The following GSDME variants were observed in gnomAD, a reference collection of about 807,000 sequenced individuals.
GSDME encodes gasdermin-E.
GSDME carries 44 observed loss-of-function variants against 47.5 expected under a neutral mutation model. That is an observed-to-expected ratio of 0.93 (90% confidence interval 0.73 to 1.19). GSDME has a LOEUF of 1.19. Among genes scored for constraint, GSDME ranks in the 50% most tolerant of loss-of-function variants. The pLI is 0.00. For missense variants in GSDME, 663 were observed against 604.2 expected (o/e 1.10, Z -1.02); for synonymous variants, 258 against 252.8 (o/e 1.02, Z -0.20).
the GSDME span, among the ~76,000 whole-genome samples, chr7:24,769,904 T>C: frequency 6.6e-6 from 1 of 152,242 alleles, no homozygotes; most frequent in East Asian, 1.9e-4. Context: ...CAAGAACAGA[T>C]GGATAATTTT....
intron 5 of GSDME, 21 bp downstream of exon 5, chr7:24,717,232 AC>A: frequency 7.2e-7 from 1 of 1,388,932 alleles, no homozygotes; most frequent in Non-Finnish European, 9.8e-7. Context: ...ATCCCTCAGC[AC>A]CCATAGGAGG....
chr7:24,789,410 C>A, the GSDME span, among the ~76,000 whole-genome samples: 1 of 152,128 alleles, frequency 6.6e-6, no homozygotes, highest in Admixed American at 6.5e-5. Context: ...CCTGAGTGAG[C>A]AATTCCTGTC....
In GSDME at chr7:24,714,464, A is replaced by T. The variant is rs956204880; in HGVS notation, c.697+2790T>A. ...GAAAAGAAATAGCAGAACTGGTTTA[A>T]AATCAGGCAGTGAATCACCCAGAAC... is the stretch of plus-strand genomic sequence containing the variant. On this transcript the variant is annotated intron_variant, in intron 5 of 9. Transcript: ENST00000645220. The surrounding 1 kb of genome is among the most constrained non-coding windows in gnomAD (Gnocchi z 5.0). Among the ~76,000 whole-genome samples the T allele has an allele frequency of 6.6e-6, 1 of 152,168 alleles. No individual in the cohort carries two copies. The highest frequency in any genetic ancestry group is 1.5e-5 in the Non-Finnish European group (1 of 68,038).
Position 24,705,840 on chromosome 7 carries a change from T to C in GSDME, c.1183+344A>G. ...AGAGCAGTTGGCAAATGAAAGTTGC[T>C]GCCACTCAGCTCTGCTGGGACTCCG... On this transcript the variant is annotated intron_variant, in intron 8 of 9. Transcript: ENST00000645220. The surrounding 1 kb of genome is among the most constrained non-coding windows in gnomAD (Gnocchi z 4.1). The C allele has an allele frequency of 2.5e-6, 1 of 393,526 alleles. No individual in the cohort carries two copies. Among genetic ancestry groups the C allele is most frequent in the Non-Finnish European group, 4.8e-6 (1 of 207,282 alleles). The allele number at this position is 393,526 out of a possible 1,614,324, so 24.4% of individuals were successfully genotyped here. A position where few individuals can be genotyped will look rare whatever the true frequency, so the allele number is the denominator to read the frequency against.
intron 1 of GSDME, among the ~76,000 whole-genome samples, chr7:24,751,426 G>A (rs1482402299): frequency 6.6e-6 from 1 of 152,198 alleles, no homozygotes; most frequent in Non-Finnish European, 1.5e-5. Flanking sequence ...TTTAAGAGAT[G>A]AGAATAAGCT....
At position 24,714,580 on chromosome 7, in the gene GSDME, TCC is replaced by T. The variant is rs1203716606; in HGVS notation, c.697+2672_697+2673del. On this transcript the variant is annotated intron_variant, in intron 5 of 9. Transcript: ENST00000645220. This position sits in a 1 kb window ranked among gnomAD's most constrained non-coding sequence, Gnocchi z 5.0. ...AACGAGCCAAGGGAAGGCCGAGATA[TCC>T]CCAGGGTACCTCTTCTCAGCAGCAC... 6.6e-6 allele frequency among the ~76,000 whole-genome samples: 1 copy of T among 151,950 alleles called. No homozygotes were observed. The highest frequency in any genetic ancestry group is 6.6e-5 in the Admixed American group (1 of 15,266).
rs1164962596 is a variant in GSDME, at chr7:24,739,836, C to T, written c.404+4726G>A. On this transcript the variant is annotated intron_variant, in intron 3 of 9. Transcript: ENST00000645220. The surrounding 1 kb of genome is among the most constrained non-coding windows in gnomAD (Gnocchi z 5.1). ...TGGGCTGGGCGCAGTGGCTCACGCC[C>T]ATAATCCTAGCACTTTGGGAGGCTA... Among the ~76,000 whole-genome samples, 7 of 152,012 alleles carry T rather than the reference C, an allele frequency of 4.6e-5. No homozygotes were observed. The highest frequency in any genetic ancestry group is 8.8e-5 in the Non-Finnish European group (6 of 67,994).
the GSDME span, among the ~76,000 whole-genome samples, chr7:24,772,645 G>C: frequency 6.6e-6 from 1 of 152,232 alleles, no homozygotes; most frequent in Non-Finnish European, 1.5e-5. This position sits in a 1 kb window ranked among gnomAD's most constrained non-coding sequence, Gnocchi z 4.5. Context: ...CCTAATAAAT[G>C]ATAGCTGTTG....
Position 24,719,832 on chromosome 7 carries a change from G to A in GSDME, c.405-614C>T, listed in dbSNP as rs191025715. On this transcript the variant is annotated intron_variant, in intron 3 of 9. Transcript: ENST00000645220. Reference sequence around the variant, plus strand: ...AAAGAAAAGAAAACTAACCAGGAAGGAAACTGCAATCCATGTACCTTAGAC... The same window carrying A: ...AAAGAAAAGAAAACTAACCAGGAAGAAAACTGCAATCCATGTACCTTAGAC... Among the ~76,000 whole-genome samples, 8 of 152,072 alleles carry A rather than the reference G, an allele frequency of 5.3e-5. No individual in the cohort carries two copies. In the East Asian group the frequency reaches 1.5e-3, roughly 29 times the overall value.
intron 2 of GSDME, among the ~76,000 whole-genome samples, chr7:24,747,057 C>A (rs1395189126): frequency 6.6e-6 from 1 of 152,220 alleles, no homozygotes; most frequent in East Asian, 1.9e-4. Flanking sequence ...ACTGGCCTCA[C>A]CAATCCAGCA....
chr7:24,776,212 TAAG>T, the GSDME span, among the ~76,000 whole-genome samples: 1 of 146,724 alleles, frequency 6.8e-6, no homozygotes, highest in Non-Finnish European at 1.5e-5. Flanking sequence ...GAATCACTGC[TAAG>T]AAGGAGTTGT....
intron 9 of GSDME, among the ~76,000 whole-genome samples, chr7:24,701,051 A>G (rs1212306828): frequency 6.6e-6 from 1 of 152,190 alleles, no homozygotes; most frequent in Non-Finnish European, 1.5e-5. Flanking sequence ...TGTATCTGGC[A>G]CTGTACTCCC....
At chr7:24,780,323 T>C in the GSDME span, among the ~76,000 whole-genome samples, 1 of 152,220 alleles carries the variant, frequency 6.6e-6, no homozygotes, top group East Asian at 1.9e-4. This position sits in a 1 kb window ranked among gnomAD's most constrained non-coding sequence, Gnocchi z 4.1. Context: ...ATCAGTTTAT[T>C]GATTTGTAAT....
intron 2 of GSDME, among the ~76,000 whole-genome samples, chr7:24,746,741 G>C (rs1790680597): frequency 6.6e-6 from 1 of 152,170 alleles, no homozygotes; most frequent in Admixed American, 6.5e-5. Flanking sequence ...TGTCATTTGT[G>C]CACACTTCTG....
rs1790260280 is a variant in GSDME at position 24,735,091 on chromosome 7, C to T, written c.404+9471G>A. On this transcript the variant is annotated intron_variant, in intron 3 of 9. Transcript: ENST00000645220. This position sits in a 1 kb window ranked among gnomAD's most constrained non-coding sequence, Gnocchi z 4.4. Reference sequence around the variant, plus strand: ...TACAATGGAGCTCCAATATGTTTGGCAGCAGACTTTTCAGCACAAGTCTTT... The same window carrying T: ...TACAATGGAGCTCCAATATGTTTGGTAGCAGACTTTTCAGCACAAGTCTTT... Among the ~76,000 whole-genome samples, 1 of 152,182 alleles carries T rather than the reference C, an allele frequency of 6.6e-6. No homozygotes were observed. The highest frequency in any genetic ancestry group is 6.5e-5 in the Admixed American group (1 of 15,280).
At chr7:24,770,117 C>G in the GSDME span, among the ~76,000 whole-genome samples, 1 of 152,304 alleles carries the variant, frequency 6.6e-6, no homozygotes, top group East Asian at 1.9e-4. The surrounding 1 kb of genome is among the most constrained non-coding windows in gnomAD (Gnocchi z 4.6). Context: ...AGCCCTACAC[C>G]CAAGCCCCAG....
In GSDME at chr7:24,746,194, C is replaced by G. The variant is rs374868654; in HGVS notation, c.212-1440G>C. 3.6e-4 allele frequency among the ~76,000 whole-genome samples: 55 copies of G among 152,336 alleles called. No individual in the cohort carries two copies. The South Asian group carries it at 0.011, about 30-fold the overall frequency. On this transcript the variant is annotated intron_variant, in intron 2 of 9. Transcript: ENST00000645220. ...AGAGAATCATCTCCTGTACCACCAG[C>G]CCAAAAATAAGAATGGTGTAAAAAT...
chr7:24,718,542 T>C (rs874540), intron 4 of GSDME, among the ~76,000 whole-genome samples: 78,185 of 152,102 alleles, frequency 0.51, 22,535 homozygotes, highest in African/African-American at 0.77. Context: ...TAGGGATTCT[T>C]TTGCATTTGG....
chr7:24,698,763 A>C lies in GSDME; in HGVS notation c.*263T>G, dbSNP rs1788737010. On this transcript the variant is annotated 3_prime_UTR_variant, in exon 10 of 10. Transcript: ENST00000645220. ...AAAAAACGTCTGAATGTATGCTAAG[A>C]ATTCTCCGCCCTCCCAGCTCTTTAC... The C allele has an allele frequency of 2.0e-6, 1 of 508,716 alleles. No homozygotes were observed. Among genetic ancestry groups the C allele is most frequent in the East Asian group, 3.6e-5 (1 of 27,922 alleles). 31.5% of individuals were successfully genotyped at this position (508,716 alleles called of 1,614,324 possible). A position where few individuals can be genotyped will look rare whatever the true frequency, so the allele number is the denominator to read the frequency against.
Sources: gnomAD v4.1 joint callset for allele counts (sites outside exome capture counted in the v4.1 genomes callset) on GRCh38, gnomAD v4.1.1 for gene constraint, Gnocchi (gnomAD v3.1) non-coding constraint, MANE v1.5 for transcripts, NCBI Gene and HGNC (gene_info 2026-07-23, HGNC 2026-07-21) for gene names.